RNF125: variants seen among roughly 807,000 people sequenced by gnomAD.
The protein encoded by RNF125 is ring finger protein 125.
RNF125 carries 21 observed loss-of-function variants against 26.0 expected under a neutral mutation model. The observed-to-expected ratio is 0.81, with a 90% CI of 0.57 to 1.16. The LOEUF is 1.16. Among genes scored for constraint, RNF125 ranks in the 50% most tolerant of loss-of-function variants. The pLI, the probability that RNF125 is intolerant of heterozygous loss-of-function variation, is 0.00. For synonymous variants in RNF125, 95 were observed against 109.2 expected, an observed-to-expected ratio of 0.87 and a Z score of 0.81; for missense variants, 270 against 299.4, an observed-to-expected ratio of 0.90 and a Z score of 0.72.
chr18:32,074,118 A>G (rs2039553788), downstream of RNF125, among the ~76,000 whole-genome samples: 1 of 152,212 alleles, frequency 6.6e-6, no homozygotes, highest in South Asian at 2.1e-4. Context: ...GTGCTCACCC[A>G]AAGTCTACTG....
the RNF125 span, among the ~76,000 whole-genome samples, chr18:32,080,003 G>A: frequency 6.6e-6 from 1 of 152,058 alleles, no homozygotes; most frequent in Non-Finnish European, 1.5e-5. Flanking sequence ...AAAATGTTTA[G>A]CTCTTATATC....
At chr18:32,063,469 G>A (rs972962293) in intron 4 of RNF125, among the ~76,000 whole-genome samples, 2 of 152,092 alleles carry the variant, frequency 1.3e-5, no homozygotes, top group East Asian at 1.9e-4. Context: ...ATACATTGCT[G>A]GTGGGAATGT....
At chr18:32,039,013 G>T (rs1412319144) in intron 2 of RNF125, among the ~76,000 whole-genome samples, 1 of 150,788 alleles carries the variant, frequency 6.6e-6, no homozygotes. Context: ...CGATCTGCCC[G>T]CCTCGGACTC....
chr18:32,067,570 A>G (rs1473358680), intron 5 of RNF125, among the ~76,000 whole-genome samples: 1 of 152,212 alleles, frequency 6.6e-6, no homozygotes, highest in East Asian at 1.9e-4. Context: ...TGAATACTGT[A>G]TTTTTATCTT....
intron 5 of RNF125, among the ~76,000 whole-genome samples, chr18:32,067,669 C>A (rs2039496809): frequency 6.6e-6 from 1 of 152,158 alleles, no homozygotes; most frequent in Non-Finnish European, 1.5e-5. Context: ...TTCTGCTGTA[C>A]TTTATGACTT....
Position 32,071,694 on chromosome 18 carries a change from C to T in RNF125, c.*3310C>T, listed in dbSNP as rs2039535642. On this transcript the variant is annotated 3_prime_UTR_variant, in exon 6 of 6. Coordinates refer to ENST00000217740, the MANE Select transcript of RNF125 (RefSeq NM_017831.4). ...CAAAATTTTCTATAAGTTATTGTAA[C>T]TCCTTAAAGGTCTTGCTACAGTTCT... 1 of 152,182 alleles carries T rather than the reference C, an allele frequency of 6.6e-6. No homozygotes were observed. The highest frequency in any genetic ancestry group is 2.1e-4 in the South Asian group (1 of 4,830). 9.4% of individuals were successfully genotyped at this position (152,182 alleles called of 1,614,324 possible).
At chr18:32,065,332 G>C (rs1052629634) in intron 4 of RNF125, among the ~76,000 whole-genome samples, 8 of 152,104 alleles carry the variant, frequency 5.3e-5, no homozygotes, top group African/African-American at 1.9e-4. Context: ...CCGCCTCCCA[G>C]ATTAAAGTGA....
chr18:32,035,564 C>T (rs1190531423), intron 1 of RNF125, among the ~76,000 whole-genome samples: 1 of 152,104 alleles, frequency 6.6e-6, no homozygotes, highest in Non-Finnish European at 1.5e-5. Flanking sequence ...ATACAATAGA[C>T]TTCACAAAAT....
At chr18:32,077,506 C>A (rs2039578241), downstream of RNF125, among the ~76,000 whole-genome samples, 1 of 151,756 alleles carries the variant, frequency 6.6e-6, no homozygotes, top group African/African-American at 2.4e-5. Flanking sequence ...GGATTACAGG[C>A]ATGTATCACT....
chr18:32,050,865 C>CTTTTTTTTTTTTTTTTT lies in RNF125; in HGVS notation c.504+5151_504+5167dup, dbSNP rs531751585. Reference sequence around the variant, plus strand: ...CCAGCTAGTCTCTCGGTCTAGAGTGCTTTTTTTTTTTTTTTTTTTTTTTTT... The same window carrying CTTTTTTTTTTTTTTTTT: ...CCAGCTAGTCTCTCGGTCTAGAGTGCTTTTTTTTTTTTTTTTTTTTTTTTTTTTTTTTTTTTTTTTTT... On this transcript the variant is annotated intron_variant, in intron 4 of 5. Coordinates refer to ENST00000217740, the MANE Select transcript of RNF125 (RefSeq NM_017831.4). 2.2e-4 allele frequency among the ~76,000 whole-genome samples: 10 copies of CTTTTTTTTTTTTTTTTT among 46,342 alleles called. 1 individual carries two copies. The highest frequency in any genetic ancestry group is 3.5e-4 in the Non-Finnish European group (9 of 25,614). 30.4% of individuals were successfully genotyped at this position (46,342 alleles called of 152,430 possible). A position where few individuals can be genotyped will look rare whatever the true frequency, so the allele number is the denominator to read the frequency against.
chr18:32,035,788 G>A (rs1047594770), intron 1 of RNF125, among the ~76,000 whole-genome samples: 5 of 152,188 alleles, frequency 3.3e-5, no homozygotes, highest in African/African-American at 1.2e-4. Context: ...CTGGTACAAT[G>A]TTTGAAAAGT....
At chr18:32,054,239 G>A (rs549177171) in intron 4 of RNF125, among the ~76,000 whole-genome samples, 8 of 151,920 alleles carry the variant, frequency 5.3e-5, no homozygotes, top group Admixed American at 3.9e-4. Context: ...GATTACAGGC[G>A]TGCGCCACCA....
chr18:32,025,635 G>C (rs1174926584), intron 1 of RNF125, among the ~76,000 whole-genome samples: 1 of 133,480 alleles, frequency 7.5e-6, no homozygotes, highest in Non-Finnish European at 1.5e-5. Context: ...CTGCACTCTA[G>C]CCTGGGTGAC....
At chr18:32,035,993 A>G (rs1298806717) in intron 1 of RNF125, among the ~76,000 whole-genome samples, 2 of 151,942 alleles carry the variant, frequency 1.3e-5, no homozygotes, top group Admixed American at 6.6e-5. Context: ...TCTCTACTAA[A>G]AACACAAAAA....
intron 4 of RNF125, among the ~76,000 whole-genome samples, chr18:32,048,860 G>C (rs976302377): frequency 6.6e-6 from 1 of 152,144 alleles, no homozygotes; most frequent in African/African-American, 2.4e-5. Flanking sequence ...GGGAGCTAGA[G>C]GAAGTTAGAA....
At chr18:32,040,308 G>A (rs972085050) in intron 2 of RNF125, among the ~76,000 whole-genome samples, 2 of 114,060 alleles carry the variant, frequency 1.8e-5, no homozygotes. Context: ...GTCTTGCTCT[G>A]TCACCCAGGC....
At chr18:32,030,316 T>G (rs1402227617) in intron 1 of RNF125, among the ~76,000 whole-genome samples, 1 of 152,246 alleles carries the variant, frequency 6.6e-6, no homozygotes, top group African/African-American at 2.4e-5. Context: ...GTGCTGGGAT[T>G]ACAGGCGTGA....
chr18:32,062,836 T>C (rs1234561144), intron 4 of RNF125, among the ~76,000 whole-genome samples: 2 of 152,136 alleles, frequency 1.3e-5, no homozygotes, highest in East Asian at 1.9e-4. Flanking sequence ...ACTGAGTTGT[T>C]GTGAGGATCA....
At chr18:32,037,337 C>A in intron 2 of RNF125, 68 bp downstream of exon 2, 1 of 894,346 alleles carries the variant, frequency 1.1e-6, no homozygotes, top group Non-Finnish European at 1.6e-6. Flanking sequence ...ATCATTTCAC[C>A]TCTGCTTCTG....
Sources: gnomAD v4.1 joint callset for allele counts (sites outside exome capture counted in the v4.1 genomes callset) on GRCh38, gnomAD v4.1.1 for gene constraint, MANE v1.5 for transcripts, NCBI Gene and HGNC (gene_info 2026-07-23, HGNC 2026-07-21) for gene names.